PRR33: variants seen among roughly 807,000 people sequenced by gnomAD.
PRR33 encodes proline rich 33, also known as proline-rich protein 33.
In PRR33, 1 loss-of-function variant was observed where a neutral mutation model predicts 0.5. That is an observed-to-expected ratio of 2.18 (90% confidence interval 0.77 to 10.34). PRR33 has a LOEUF of 10.34. Among genes scored for constraint, PRR33 ranks in the 30% most tolerant of loss-of-function variants. The probability of loss-of-function intolerance (pLI) is 0.13; values close to 1 mark genes in which losing one functional copy is unlikely to be tolerated. For missense variants in PRR33, 552 were observed against 251.8 expected (o/e 2.19, Z -8.07); for synonymous variants, 226 against 110.0 (o/e 2.06, Z -6.60).
chr11:1,889,662 C>A (rs953271238), exon 1 of PRR33: 1 of 632,674 alleles, frequency 1.6e-6, no homozygotes, highest in East Asian at 2.8e-5. Flanking sequence ...GCTGGACACT[C>A]GCTCGGCCTC....
the PRR33 span, among the ~76,000 whole-genome samples, chr11:1,899,010 T>C: frequency 6.6e-6 from 1 of 152,042 alleles, no homozygotes; most frequent in African/African-American, 2.4e-5. Flanking sequence ...GAGCTAATTT[T>C]TTTTTTCACC....
exon 1 of PRR33, chr11:1,890,555 G>C (rs112978842): frequency 1.4e-6 from 1 of 712,254 alleles, no homozygotes; most frequent in Non-Finnish European, 2.6e-6. Flanking sequence ...CGCACACCTC[G>C]GGTGCCATCG....
At chr11:1,888,274 G>A (rs1848839179) in exon 1 of PRR33, among the ~76,000 whole-genome samples, 1 of 152,148 alleles carries the variant, frequency 6.6e-6, no homozygotes, top group Admixed American at 6.5e-5. Flanking sequence ...ACCAGAGCCT[G>A]GCTGACTGCT....
chr11:1,889,355 C>T lies in PRR33; in HGVS notation c.1230G>A (p.Val410=), dbSNP rs566135571. 9.4e-4 allele frequency: 672 copies of T among 712,654 alleles called. 5 individuals are homozygous for T. In the Middle Eastern group the frequency reaches 9.7e-3, roughly 10 times the overall value. 44.1% of individuals were successfully genotyped at this position (712,654 alleles called of 1,614,324 possible). ...CTGCCAGGCGCCCTTGGGCCTCCGC[C>T]ACTGACATGCGGTACAGCACGGCAT... The change falls in exon 1 of 1, where the codon GTG becomes GTA. Residue 410 remains valine (V), a synonymous_variant. Coordinates refer to ENST00000640310, the Ensembl canonical transcript of PRR33.
the PRR33 span, among the ~76,000 whole-genome samples, chr11:1,914,511 C>G: frequency 1.3e-5 from 2 of 148,314 alleles, no homozygotes; most frequent in Non-Finnish European, 3.0e-5. Context: ...TGTAGTCACA[C>G]ACCAGGGATG....
At chr11:1,911,360 T>C in the PRR33 span, among the ~76,000 whole-genome samples, 1 of 152,134 alleles carries the variant, frequency 6.6e-6, no homozygotes, top group Non-Finnish European at 1.5e-5. Context: ...GAGAATTGCT[T>C]GAACCTGGGG....
chr11:1,890,315 G>A (rs1025526879), exon 1 of PRR33: 16 of 711,440 alleles, frequency 2.2e-5, no homozygotes, highest in Non-Finnish European at 3.9e-5. Flanking sequence ...GTGGGGCTTC[G>A]GCGGGGTGCG....
chr11:1,905,300 A>C, the PRR33 span, among the ~76,000 whole-genome samples: 1 of 150,206 alleles, frequency 6.7e-6, no homozygotes, highest in African/African-American at 2.4e-5. Flanking sequence ...GCTAATTTTT[A>C]AATTTTAATA....
At chr11:1,917,069 C>G in the PRR33 span, among the ~76,000 whole-genome samples, 1 of 152,258 alleles carries the variant, frequency 6.6e-6, no homozygotes, top group East Asian at 1.9e-4. Flanking sequence ...ATCAGAAGCA[C>G]TAGGCATGTG....
chr11:1,917,674 T>G, the PRR33 span, among the ~76,000 whole-genome samples: 1 of 152,248 alleles, frequency 6.6e-6, no homozygotes, highest in African/African-American at 2.4e-5. Context: ...GTGCCTGCTC[T>G]GTGCAGTCCC....
the PRR33 span, among the ~76,000 whole-genome samples, chr11:1,901,041 G>A: frequency 6.6e-6 from 1 of 152,232 alleles, no homozygotes; most frequent in South Asian, 2.1e-4. Flanking sequence ...GCCAGGCACG[G>A]TGGCTTACGC....
At chr11:1,897,708 C>T in the PRR33 span, among the ~76,000 whole-genome samples, 22 of 152,316 alleles carry the variant, frequency 1.4e-4, no homozygotes, top group Non-Finnish European at 2.5e-4. The surrounding 1 kb of genome is among the most constrained non-coding windows in gnomAD (Gnocchi z 4.0). Flanking sequence ...TTCCAGCTTC[C>T]GGTCACAGAA....
chr11:1,913,838 A>G, the PRR33 span, among the ~76,000 whole-genome samples: 1 of 152,254 alleles, frequency 6.6e-6, no homozygotes, highest in Non-Finnish European at 1.5e-5. Flanking sequence ...GGTGAGCACG[A>G]GCTGTGCACT....
At chr11:1,908,571 A>C in the PRR33 span, among the ~76,000 whole-genome samples, 2 of 152,096 alleles carry the variant, frequency 1.3e-5, no homozygotes, top group African/African-American at 4.8e-5. Flanking sequence ...TAGAGTAAAA[A>C]ATGTTCAAAT....
chr11:1,889,503 C>A (rs187838363), exon 1 of PRR33: 2 of 617,648 alleles, frequency 3.2e-6, no homozygotes, highest in African/African-American at 1.9e-5. Context: ...CAGGCTCTGC[C>A]GCGGCTCTGG....
the PRR33 span, among the ~76,000 whole-genome samples, chr11:1,905,456 T>TG: frequency 4.3e-5 from 3 of 70,514 alleles, no homozygotes; most frequent in South Asian, 4.8e-4. Context: ...TTTTTTTTTC[T>TG]GAGACAGAGT....
the PRR33 span, among the ~76,000 whole-genome samples, chr11:1,916,997 C>A: frequency 6.6e-6 from 1 of 152,230 alleles, no homozygotes; most frequent in Non-Finnish European, 1.5e-5. Context: ...GCTACAAGCC[C>A]CTAGGCCAGC....
chr11:1,897,657 C>A, the PRR33 span, among the ~76,000 whole-genome samples: 2 of 152,158 alleles, frequency 1.3e-5, no homozygotes, highest in Non-Finnish European at 2.9e-5. The surrounding 1 kb of genome is among the most constrained non-coding windows in gnomAD (Gnocchi z 4.0). Flanking sequence ...GAAAGTGTAG[C>A]CAAGCCTTAG....
At chr11:1,908,971 T>G in the PRR33 span, among the ~76,000 whole-genome samples, 1 of 152,262 alleles carries the variant, frequency 6.6e-6, no homozygotes, top group South Asian at 2.1e-4. Context: ...GAAACAAGAA[T>G]TGACTTTTAG....
Sources: gnomAD v4.1 joint callset for allele counts (sites outside exome capture counted in the v4.1 genomes callset) on GRCh38, gnomAD v4.1.1 for gene constraint, Gnocchi (gnomAD v3.1) non-coding constraint, MANE v1.5 for transcripts, NCBI Gene and HGNC (gene_info 2026-07-23, HGNC 2026-07-21) for gene names.